SEPTIN8: variants seen among roughly 807,000 people sequenced by gnomAD.
SEPTIN8 encodes the protein septin-8.
SEPTIN8 carries 22 observed loss-of-function variants against 53.1 expected under a neutral mutation model. The observed-to-expected ratio is 0.41, with a 90% confidence interval of 0.30 to 0.59. The LOEUF (loss-of-function observed/expected upper bound fraction) is 0.59. Among genes scored for constraint, SEPTIN8 ranks in the 20% least tolerant of loss-of-function variants. The pLI is 0.24. For synonymous variants in SEPTIN8, 228 were observed against 248.4 expected (o/e 0.92, Z 0.77); for missense variants, 536 against 638.7 (o/e 0.84, Z 1.73).
At chr5:132,778,191 T>C (rs1209235740), upstream of SEPTIN8, 7 of 630,102 alleles carry the variant, frequency 1.1e-5, no homozygotes, top group Admixed American at 6.3e-5. Context: ...TCCCTCTGCC[T>C]TTCTCTCTGC....
At chr5:132,755,714 T>C (rs1045810292) in intron 9 of SEPTIN8, among the ~76,000 whole-genome samples, 1 of 152,206 alleles carries the variant, frequency 6.6e-6, no homozygotes, top group African/African-American at 2.4e-5. Context: ...GGTGCCCCTT[T>C]TCTCATGTCC....
intron 9 of SEPTIN8, chr5:132,758,671 A>T (rs1469001420): frequency 1.3e-6 from 2 of 1,593,388 alleles, no homozygotes; most frequent in Non-Finnish European, 1.7e-6. Flanking sequence ...GGTCGGTGGG[A>T]GGAAAGCAAG....
intron 9 of SEPTIN8, chr5:132,758,465 C>A: frequency 2.5e-6 from 4 of 1,604,370 alleles, no homozygotes; most frequent in Non-Finnish European, 3.4e-6. Context: ...AACAATTAGG[C>A]CTAGCATCCC....
chr5:132,759,461 C>T (rs1416389219), intron 9 of SEPTIN8, among the ~76,000 whole-genome samples: 3 of 151,850 alleles, frequency 2.0e-5, no homozygotes, highest in African/African-American at 7.3e-5. Context: ...GAACTGGCCA[C>T]AGACCCCTGT....
intron 1 of SEPTIN8, among the ~76,000 whole-genome samples, chr5:132,765,741 C>A (rs1756519310): frequency 6.6e-6 from 1 of 152,254 alleles, no homozygotes; most frequent in Non-Finnish European, 1.5e-5. Context: ...GGGAAAGGCC[C>A]TTCCACTCTG....
Position 132,762,501 on chromosome 5 carries a change from T to C in SEPTIN8, c.679A>G (p.Ile227Val). 1 of 1,614,252 alleles carries C rather than the reference T, an allele frequency of 6.2e-7. No individual in the cohort carries two copies. Reference protein sequence around the residue: ...FPTDDEAVAEINAVMNAHLPF... With the variant: ...FPTDDEAVAEVNAVMNAHLPF... ...ACGCTCACATTCATGACTGCGTTAA[T>C]CTCTGCAACAGCCTCATCATCCGTG... The change falls in exon 5 of 10, where the codon ATT becomes GTT. Residue 227 changes from isoleucine (I) to valine (V), a missense_variant. Around this residue, in one of 3 missense-constraint regions of SEPTIN8, gnomAD observed 395 missense variants for 451.8 expected, o/e 0.87. Coordinates refer to ENST00000378719, the MANE Select transcript of SEPTIN8 (RefSeq NM_001098811.2).
chr5:132,777,385 C>T, upstream of SEPTIN8: 2 of 1,018,190 alleles, frequency 2.0e-6, no homozygotes, highest in South Asian at 4.6e-5. The surrounding 1 kb of genome is among the most constrained non-coding windows in gnomAD (Gnocchi z 4.1). Context: ...CTTGGACGGC[C>T]GGGGGTCTCC....
intron 9 of SEPTIN8, chr5:132,756,244 C>T: frequency 1.0e-6 from 1 of 985,436 alleles, no homozygotes; most frequent in African/African-American, 1.7e-5. Context: ...CAATTACAAA[C>T]CACCTAGATC....
intron 9 of SEPTIN8, chr5:132,758,067 A>G (rs1027603776): frequency 2.0e-6 from 2 of 999,016 alleles, no homozygotes; most frequent in African/African-American, 1.7e-5. Context: ...CTGCTGTTCC[A>G]TTTACATTCA....
At chr5:132,778,042 C>T (rs562417560), upstream of SEPTIN8, 10 of 985,522 alleles carry the variant, frequency 1.0e-5, no homozygotes, top group African/African-American at 1.0e-4. Flanking sequence ...ACGTTCTCTC[C>T]GCTAATGTCA....
chr5:132,777,408 G>T (rs1453912657), upstream of SEPTIN8: 6 of 1,006,254 alleles, frequency 6.0e-6, no homozygotes, highest in Admixed American at 5.9e-5. The surrounding 1 kb of genome is among the most constrained non-coding windows in gnomAD (Gnocchi z 4.1). Flanking sequence ...GGCGAGGCGG[G>T]AGGTGCCAGC....
chr5:132,777,310 T>C (rs1275895276), upstream of SEPTIN8: 14 of 1,081,898 alleles, frequency 1.3e-5, no homozygotes, highest in Admixed American at 5.3e-5. The surrounding 1 kb of genome is among the most constrained non-coding windows in gnomAD (Gnocchi z 4.1). Context: ...GAGCCGCCCC[T>C]GCCCCCGCCC....
Position 132,761,542 on chromosome 5 carries a change from T to C in SEPTIN8, c.878A>G (p.His293Arg). The change falls in exon 7 of 10, where the codon CAC (histidine) becomes CGC (arginine). Residue 293 changes from histidine to arginine, a missense_variant. By Grantham distance (29) the His-to-Arg change is conservative. Coordinates refer to ENST00000378719, the MANE Select transcript of SEPTIN8 (RefSeq NM_001098811.2). This position sits in a 1 kb window ranked among gnomAD's most constrained non-coding sequence, Gnocchi z 5.8. ...VNMEDLREQT[H>R]SRHYELYRRC... ...CCGGTAGAGCTCGTAGTGCCGGCTGTGGGTCTGCTCGCGGAGGTCTTCCAT... is the reference window on the plus strand; with the variant it reads ...CCGGTAGAGCTCGTAGTGCCGGCTGCGGGTCTGCTCGCGGAGGTCTTCCAT... 1.2e-6 allele frequency: 2 copies of C among 1,613,948 alleles called. No individual in the cohort carries two copies. The highest frequency in any genetic ancestry group is 1.7e-6 in the Non-Finnish European group (2 of 1,180,006).
chr5:132,776,729 C>T lies in SEPTIN8; in HGVS notation c.30+379G>A, dbSNP rs1385301019. On this transcript the variant is annotated intron_variant, in intron 1 of 9. Coordinates refer to ENST00000378719, the MANE Select transcript of SEPTIN8 (RefSeq NM_001098811.2). The surrounding 1 kb of genome is among the most constrained non-coding windows in gnomAD (Gnocchi z 4.4). ...GCACCTGTGCGGCTAGGACTCTTCC[C>T]CAAGTGTGCAGAAAGAAACACCCTG... 6.6e-6 allele frequency among the ~76,000 whole-genome samples: 1 copy of T among 152,212 alleles called. No individual in the cohort carries two copies. The highest frequency in any genetic ancestry group is 2.4e-5 in the African/African-American group (1 of 41,452).
At position 132,776,020 on chromosome 5, in the gene SEPTIN8, T is replaced by G. The variant is rs1283269851; in HGVS notation, c.30+1088A>C. ...TGTATTTTCAGATTAAATGGAAAATTTACATATATAAATTGGGATGACGGT... is the reference window on the plus strand; with the variant it reads ...TGTATTTTCAGATTAAATGGAAAATGTACATATATAAATTGGGATGACGGT... On this transcript the variant is annotated intron_variant, in intron 1 of 9. Transcript: ENST00000378719. This position sits in a 1 kb window ranked among gnomAD's most constrained non-coding sequence, Gnocchi z 4.4. The G allele has an allele frequency of 1.3e-5, 2 of 152,222 alleles. No individual in the cohort carries two copies. Among genetic ancestry groups the G allele is most frequent in the Non-Finnish European group, 1.5e-5 (1 of 68,116 alleles). The allele number at this position is 152,222 out of a possible 1,614,324, so 9.4% of individuals were successfully genotyped here.
Position 132,751,921 on chromosome 5 carries a change from A to C in SEPTIN8, c.*95T>G, listed in dbSNP as rs1468838726. Reference sequence around the variant, plus strand: ...GCACTTTTGATCATTGATATAGGAAAAGTATGGCGTTTTCTGTTCTAACAT... The same window carrying C: ...GCACTTTTGATCATTGATATAGGAACAGTATGGCGTTTTCTGTTCTAACAT... On this transcript the variant is annotated 3_prime_UTR_variant, in exon 10 of 10. Transcript: ENST00000378719. The C allele has an allele frequency of 6.4e-7, 1 of 1,554,692 alleles. No homozygotes were observed. The highest frequency in any genetic ancestry group is 2.4e-5 in the East Asian group (1 of 42,362).
chr5:132,762,791 G>GGCA, intron 4 of SEPTIN8, 146 bp from the exon 5 acceptor site: 1 of 848,292 alleles, frequency 1.2e-6, no homozygotes, highest in South Asian at 1.7e-5. Context: ...CACTCCCACG[G>GGCA]GCAGCCATAG....
At chr5:132,768,074 G>T (rs1260062598) in intron 1 of SEPTIN8, among the ~76,000 whole-genome samples, 2 of 151,836 alleles carry the variant, frequency 1.3e-5, no homozygotes, top group African/African-American at 2.4e-5. Flanking sequence ...CAGAGGCTAA[G>T]TGTAGCACTG....
chr5:132,767,560 T>C lies in SEPTIN8; in HGVS notation c.31-2031A>G, dbSNP rs544732218. Among the ~76,000 whole-genome samples the C allele has an allele frequency of 2.0e-5, 3 of 152,262 alleles. No homozygotes were observed. In the South Asian group the frequency reaches 6.2e-4, roughly 32 times the overall value. On this transcript the variant is annotated intron_variant, in intron 1 of 9. Transcript: ENST00000378719. ...AAGCTTCTAGATGTCGGCTGCAGGT[T>C]GGGGAGGTCAGGTTTTCTGTTCTTC...
Sources: allele counts gnomAD v4.1 joint callset (sites outside exome capture counted in the v4.1 genomes callset), GRCh38; gene constraint gnomAD v4.1.1; regional missense constraint gnomAD v4.1.1; non-coding constraint Gnocchi (gnomAD v3.1); transcripts MANE v1.5; gene names NCBI Gene and HGNC (gene_info 2026-07-23, HGNC 2026-07-21).